The following WDR70 variants were observed in gnomAD, a reference collection of about 807,000 sequenced individuals.
WDR70 encodes the protein WD repeat-containing protein 70.
A neutral mutation model predicts 88.6 loss-of-function variants in WDR70; 53 were observed. That is an observed-to-expected ratio of 0.60 (90% CI 0.48 to 0.75). The LOEUF is 0.75. Among genes scored for constraint, WDR70 ranks in the 30% least tolerant of loss-of-function variants. The pLI, the probability that WDR70 is intolerant of heterozygous loss-of-function variation, is 0.00. For synonymous variants in WDR70, 280 were observed against 270.0 expected, an observed-to-expected ratio of 1.04 and a Z score of -0.36; for missense variants, 610 against 823.2, an observed-to-expected ratio of 0.74 and a Z score of 3.17.
rs140274051 is a variant in WDR70, at chr5:37,631,209, G to T, written c.1092+25971G>T. 8.0e-3 allele frequency among the ~76,000 whole-genome samples: 1,221 copies of T among 152,224 alleles called. 10 individuals carry two copies. Among genetic ancestry groups the T allele is most frequent in the Non-Finnish European group, 0.013 (884 of 68,018 alleles). Reference sequence around the variant, plus strand: ...ATCAAATCTTAGTTGTTTATTTGTAGCCTTGGTCCTTTTTAGTCTGGGGGG... The same window carrying T: ...ATCAAATCTTAGTTGTTTATTTGTATCCTTGGTCCTTTTTAGTCTGGGGGG... On this transcript the variant is annotated intron_variant, in intron 10 of 17. Coordinates refer to ENST00000265107, the MANE Select transcript of WDR70 (RefSeq NM_018034.4).
intron 8 of WDR70, among the ~76,000 whole-genome samples, chr5:37,498,718 T>G (rs1355703032): frequency 6.6e-6 from 1 of 152,256 alleles, no homozygotes; most frequent in Non-Finnish European, 1.5e-5. Flanking sequence ...TAAACTTGAC[T>G]TCTCCCTTTT....
chr5:37,429,071 G>T (rs1230305962), intron 5 of WDR70, among the ~76,000 whole-genome samples: 2 of 152,192 alleles, frequency 1.3e-5, no homozygotes, highest in African/African-American at 4.8e-5. Flanking sequence ...CTGGGCTCAA[G>T]CAATTCCTTC....
At chr5:37,515,019 GAA>G (rs770128168) in intron 8 of WDR70, among the ~76,000 whole-genome samples, 2 of 52,986 alleles carry the variant, frequency 3.8e-5, no homozygotes, top group African/African-American at 6.2e-5. Context: ...CCTGTCTCAA[GAA>G]AAAAAAAAAA....
chr5:37,697,978 A>T, intron 11 of WDR70: 1 of 402,082 alleles, frequency 2.5e-6, no homozygotes, highest in Non-Finnish European at 4.5e-6. Context: ...TTTTGGCCTA[A>T]GTTTTTCATT....
At position 37,679,564 on chromosome 5, in the gene WDR70, A is replaced by T. The variant is rs1746355761; in HGVS notation, c.1093-18091A>T. On this transcript the variant is annotated intron_variant, in intron 10 of 17. Transcript: ENST00000265107. ...AACAGCGGATTTTCGTGAACCGCGA[A>T]TGCTGCTATCTGATCGTTCCTCTGG... Among the ~76,000 whole-genome samples, 5 of 152,194 alleles carry T rather than the reference A, an allele frequency of 3.3e-5. 1 individual carries two copies. The highest frequency in any genetic ancestry group is 3.3e-4 in the Admixed American group (5 of 15,278).
At chr5:37,735,416 A>C (rs1748277604) in intron 17 of WDR70, among the ~76,000 whole-genome samples, 1 of 152,080 alleles carries the variant, frequency 6.6e-6, no homozygotes, top group African/African-American at 2.4e-5. Context: ...TAGCTTAGAG[A>C]TCTGCAATTA....
chr5:37,526,015 C>T (rs1741257659), intron 9 of WDR70, among the ~76,000 whole-genome samples: 1 of 151,474 alleles, frequency 6.6e-6, no homozygotes, highest in Non-Finnish European at 1.5e-5. Context: ...AAAAGAAGTC[C>T]AGGACCAGAT....
chr5:37,405,816 C>G (rs1390250524), intron 5 of WDR70, among the ~76,000 whole-genome samples: 1 of 152,066 alleles, frequency 6.6e-6, no homozygotes, highest in Non-Finnish European at 1.5e-5. Context: ...GAGCTTCATG[C>G]AAGAGGATCA....
At chr5:37,490,184 C>G (rs7726960) in intron 8 of WDR70, among the ~76,000 whole-genome samples, 1 of 152,056 alleles carries the variant, frequency 6.6e-6, no homozygotes, top group Admixed American at 6.5e-5. Context: ...GTTGCTGGTG[C>G]CAGACCTTGT....
chr5:37,497,518 C>CCTTCCCT (rs1437569157), intron 8 of WDR70, among the ~76,000 whole-genome samples: 1 of 83,632 alleles, frequency 1.2e-5, no homozygotes, highest in Non-Finnish European at 3.0e-5. Context: ...TTCCCTCTTC[C>CCTTCCCT]CTTCCCTTCC....
rs191317215 is a variant in WDR70, at chr5:37,701,150, G to A, written c.1277+8G>A. 1.0e-5 allele frequency: 16 copies of A among 1,564,336 alleles called. No homozygotes were observed. Among genetic ancestry groups the A allele is most frequent in the African/African-American group, 5.4e-5 (4 of 73,752 alleles). On this transcript the variant is annotated splice_region_variant and intron_variant, in intron 12 of 17. Coordinates refer to ENST00000265107, the MANE Select transcript of WDR70 (RefSeq NM_018034.4). ...TCCCACCATGTTCCCAATGTAAGTA[G>A]CATATTTTAAATATTTGATCAGCAT...
intron 7 of WDR70, among the ~76,000 whole-genome samples, chr5:37,469,696 T>G (rs1739266176): frequency 1.3e-5 from 2 of 152,198 alleles, no homozygotes; most frequent in South Asian, 4.1e-4. Context: ...GTAGGAGCAG[T>G]TGTCATATTA....
intron 9 of WDR70, among the ~76,000 whole-genome samples, chr5:37,528,822 G>A (rs1366336529): frequency 6.6e-6 from 1 of 150,706 alleles, no homozygotes; most frequent in Non-Finnish European, 1.5e-5. Context: ...GTTTAATTGA[G>A]TCCCATTTAT....
chr5:37,575,545 T>C (rs1236829882), intron 9 of WDR70, among the ~76,000 whole-genome samples: 2 of 152,050 alleles, frequency 1.3e-5, no homozygotes, highest in East Asian at 3.9e-4. Flanking sequence ...TGTGATGAAG[T>C]CTCCATAAAA....
At chr5:37,631,137 A>G (rs1744804359) in intron 10 of WDR70, among the ~76,000 whole-genome samples, 1 of 152,190 alleles carries the variant, frequency 6.6e-6, no homozygotes, top group African/African-American at 2.4e-5. Flanking sequence ...TTACAGATGC[A>G]TCTTCACTCC....
chr5:37,724,925 T>G lies in WDR70; in HGVS notation c.1598-9T>G, dbSNP rs1244608036. 9 of 1,612,350 alleles carry G rather than the reference T, an allele frequency of 5.6e-6. No homozygotes were observed. The highest frequency in any genetic ancestry group is 6.8e-6 in the Non-Finnish European group (8 of 1,179,120). On this transcript the variant is annotated splice_polypyrimidine_tract_variant and intron_variant, in intron 15 of 17. Transcript: ENST00000265107. Reference sequence around the variant, plus strand: ...TATAATGAAATTTTTCAAATGTGACTTCTTGTAGCTCATGCCTTGCCTATG... The same window carrying G: ...TATAATGAAATTTTTCAAATGTGACGTCTTGTAGCTCATGCCTTGCCTATG...
intron 8 of WDR70, among the ~76,000 whole-genome samples, chr5:37,515,452 A>C (rs1363223140): frequency 2.0e-5 from 3 of 152,232 alleles, no homozygotes; most frequent in Non-Finnish European, 4.4e-5. Context: ...ATGAGATCTC[A>C]GACTTGCCGT....
chr5:37,738,041 AAAC>A (rs1748355285), intron 17 of WDR70, among the ~76,000 whole-genome samples: 1 of 150,820 alleles, frequency 6.6e-6, no homozygotes, highest in Admixed American at 6.6e-5. Flanking sequence ...AAAAAAAAAA[AAAC>A]AAACAAAAAA....
intron 13 of WDR70, among the ~76,000 whole-genome samples, chr5:37,708,106 T>C (rs1281150669): frequency 6.7e-6 from 1 of 149,810 alleles, no homozygotes; most frequent in Non-Finnish European, 1.5e-5. Flanking sequence ...TTGGGACGTT[T>C]TTTAAATAGT....
Sources: allele counts gnomAD v4.1 joint callset (sites outside exome capture counted in the v4.1 genomes callset), GRCh38; gene constraint gnomAD v4.1.1; transcripts MANE v1.5; gene names NCBI Gene and HGNC (gene_info 2026-07-23, HGNC 2026-07-21).